WT1: variants seen among roughly 807,000 people sequenced by gnomAD.
The protein encoded by WT1 is Wilms tumor protein.
In WT1, 8 loss-of-function variants were observed where a neutral mutation model predicts 60.8. The ratio of observed to expected loss-of-function variants is 0.13; its 90% CI spans 0.08 to 0.24. WT1 has a LOEUF of 0.24. Ranked by LOEUF, WT1 falls within the 10% of genes least tolerant of loss-of-function variation. The pLI is 1.00. For missense variants in WT1, 568 were observed against 711.8 expected, an observed-to-expected ratio of 0.80 and a Z score of 2.30; for synonymous variants, 312 against 297.1, an observed-to-expected ratio of 1.05 and a Z score of -0.52.
chr11:32,410,027 A>G (rs1852446509), intron 5 of WT1, among the ~76,000 whole-genome samples: 1 of 152,094 alleles, frequency 6.6e-6, no homozygotes. Flanking sequence ...CCTGGGTTCA[A>G]GCAATTAATT....
At chr11:32,428,105 C>T (rs774716776) in intron 2 of WT1, 47 bp from the exon 3 acceptor site, 1 of 1,522,400 alleles carries the variant, frequency 6.6e-7, no homozygotes, top group Non-Finnish European at 8.9e-7. Context: ...CCCAAGGGCT[C>T]GGGGTGCGAG....
At chr11:32,390,602 G>A (rs991403177) in intron 9 of WT1, among the ~76,000 whole-genome samples, 3 of 152,130 alleles carry the variant, frequency 2.0e-5, no homozygotes, top group Non-Finnish European at 4.4e-5. Context: ...TCCTTCACTC[G>A]CTGTTCCTCT....
intron 3 of WT1, among the ~76,000 whole-genome samples, chr11:32,419,794 A>G (rs976164828): frequency 6.6e-6 from 1 of 152,242 alleles, no homozygotes; most frequent in African/African-American, 2.4e-5. Context: ...CCCATGCGCA[A>G]GCAATTCTCC....
chr11:32,425,590 A>C (rs72893503), intron 3 of WT1, among the ~76,000 whole-genome samples: 6,953 of 152,268 alleles, frequency 0.046, 213 homozygotes, highest in Non-Finnish European at 0.074. Flanking sequence ...CAAGGGAAGC[A>C]CATGATCTTT....
At chr11:32,419,774 A>G (rs1456451096) in intron 3 of WT1, among the ~76,000 whole-genome samples, 1 of 152,150 alleles carries the variant, frequency 6.6e-6, no homozygotes, top group Non-Finnish European at 1.5e-5. Flanking sequence ...GTTCGCTGCA[A>G]CCTCAGTCTC....
rs1225199084 is a variant in WT1, at chr11:32,428,816, C to CA, written c.662-198dup. On this transcript the variant is annotated intron_variant, in intron 1 of 9. Coordinates refer to ENST00000452863, the MANE Select transcript of WT1 (RefSeq NM_024426.6). ...CAAGTCCCTGGATGTGACCTTGGGA[C>CA]AGGCTTCTCCATCCTTTTCTGACTA... 25 of 756,032 alleles carry CA rather than the reference C, an allele frequency of 3.3e-5. No homozygotes were observed. In the African/African-American group the frequency reaches 3.8e-4, roughly 12 times the overall value. 46.8% of individuals were successfully genotyped at this position (756,032 alleles called of 1,614,324 possible).
In WT1 at chr11:32,428,808, C is replaced by CCT. The variant is rs948617173; in HGVS notation, c.662-191_662-190dup. 2.2e-5 allele frequency: 18 copies of CCT among 825,426 alleles called. No individual in the cohort carries two copies. In the African/African-American group the frequency reaches 2.4e-4, roughly 11 times the overall value. 51.1% of individuals were successfully genotyped at this position (825,426 alleles called of 1,614,324 possible). On this transcript the variant is annotated intron_variant, in intron 1 of 9. Coordinates refer to ENST00000452863, the MANE Select transcript of WT1 (RefSeq NM_024426.6). ...AGACGGCCCAAGTCCCTGGATGTGA[C>CCT]CTTGGGACAGGCTTCTCCATCCTTT...
intron 1 of WT1, among the ~76,000 whole-genome samples, chr11:32,432,871 C>T (rs1030853045): frequency 6.6e-6 from 1 of 152,190 alleles, no homozygotes; most frequent in Admixed American, 6.5e-5. Flanking sequence ...AAGATAATGG[C>T]GTAGTAGTAT....
At chr11:32,394,135 C>A (rs1317854619) in intron 7 of WT1, among the ~76,000 whole-genome samples, 1 of 152,156 alleles carries the variant, frequency 6.6e-6, no homozygotes, top group African/African-American at 2.4e-5. Context: ...TTAAGCAATC[C>A]TCCCGCCTAC....
chr11:32,414,915 C>G (rs904093059), intron 5 of WT1, among the ~76,000 whole-genome samples: 3 of 151,666 alleles, frequency 2.0e-5, no homozygotes, highest in Admixed American at 2.0e-4. Context: ...TTCAGAAATC[C>G]TTTCTAAGAT....
intron 1 of WT1, among the ~76,000 whole-genome samples, chr11:32,433,334 A>G (rs1277638687): frequency 6.6e-6 from 1 of 152,224 alleles, no homozygotes; most frequent in Non-Finnish European, 1.5e-5. Flanking sequence ...TCTCCCGAAG[A>G]AAAGGGCGGT....
At chr11:32,429,408 C>T (rs1437044407) in intron 1 of WT1, among the ~76,000 whole-genome samples, 1 of 151,778 alleles carries the variant, frequency 6.6e-6, no homozygotes, top group Non-Finnish European at 1.5e-5. Context: ...CCTTTCCCTC[C>T]ATGGTAGTGC....
chr11:32,388,720 G>C lies in WT1; in HGVS notation c.*338C>G, dbSNP rs1258773117. On this transcript the variant is annotated 3_prime_UTR_variant, in exon 10 of 10. Coordinates refer to ENST00000452863, the MANE Select transcript of WT1 (RefSeq NM_024426.6). ...CAATAATTCCATCCCCAGCGAAAAC[G>C]AGCATAAAAAAAGAAGGGAAGGGTC... The C allele has an allele frequency of 2.6e-6, 1 of 387,418 alleles. No homozygotes were observed. Among genetic ancestry groups the C allele is most frequent in the Non-Finnish European group, 4.7e-6 (1 of 210,660 alleles). The allele number at this position is 387,418 out of a possible 1,614,324, so 24.0% of individuals were successfully genotyped here.
intron 6 of WT1, among the ~76,000 whole-genome samples, chr11:32,399,670 C>T (rs1852086686): frequency 6.6e-6 from 1 of 152,178 alleles, no homozygotes; most frequent in South Asian, 2.1e-4. Context: ...CTGCACAGCC[C>T]GCCCTGGAGA....
chr11:32,393,882 T>C (rs558700349), intron 7 of WT1, among the ~76,000 whole-genome samples: 1 of 152,176 alleles, frequency 6.6e-6, no homozygotes, highest in African/African-American at 2.4e-5. Context: ...TCCTAAGGGC[T>C]GGAGCCTTTT....
intron 1 of WT1, chr11:32,430,931 G>A: frequency 1.0e-6 from 1 of 964,428 alleles, no homozygotes; most frequent in Non-Finnish European, 1.3e-6. Flanking sequence ...GGGGGCAGGG[G>A]CCAGGGGAGG....
rs766441234 is a variant in WT1, at chr11:32,435,091, G to A, written c.270C>T (p.Ser90=). 6.7e-7 allele frequency: 1 copy of A among 1,503,678 alleles called. No individual in the cohort carries two copies. Among genetic ancestry groups the A allele is most frequent in the Non-Finnish European group, 8.8e-7 (1 of 1,134,514 alleles). The allele number at this position is 1,503,678 out of a possible 1,614,324, so 93.1% of individuals were successfully genotyped here. A position where few individuals can be genotyped will look rare whatever the true frequency, so the allele number is the denominator to read the frequency against. ...GGGCACAGCCGCCGCCGCCACCCAG[G>A]GAGGGGACGGCGGGCAGCAGCGCGT... Residue 90 remains serine (S), a synonymous_variant, in exon 1 of 10, where the codon TCC becomes TCT. Coordinates refer to ENST00000452863, the MANE Select transcript of WT1 (RefSeq NM_024426.6).
At chr11:32,389,516 G>A (rs533175047) in intron 9 of WT1, among the ~76,000 whole-genome samples, 1 of 152,336 alleles carries the variant, frequency 6.6e-6, no homozygotes, top group East Asian at 1.9e-4. Context: ...AATGTTTTGT[G>A]AACTGTGTAA....
intron 4 of WT1, among the ~76,000 whole-genome samples, chr11:32,416,948 T>C (rs1331264378): frequency 6.6e-6 from 1 of 152,218 alleles, no homozygotes; most frequent in East Asian, 1.9e-4. Flanking sequence ...TCTATGCTAC[T>C]GCCCATCTCT....
Sources: allele counts gnomAD v4.1 joint callset (sites outside exome capture counted in the v4.1 genomes callset), GRCh38; gene constraint gnomAD v4.1.1; transcripts MANE v1.5; gene names NCBI Gene and HGNC (gene_info 2026-07-23, HGNC 2026-07-21).